ANKFN1: variants seen among roughly 807,000 people sequenced by gnomAD.
The protein encoded by ANKFN1 is ankyrin repeat and fibronectin type-III domain-containing protein 1.
A neutral mutation model predicts 108.7 loss-of-function variants in ANKFN1; 74 were observed. The ratio of observed to expected loss-of-function variants is 0.68; its 90% confidence interval spans 0.56 to 0.83. The LOEUF is 0.83. Ranked by LOEUF, ANKFN1 falls within the 40% of genes least tolerant of loss-of-function variation. The pLI is 0.00. For synonymous variants in ANKFN1, 547 were observed against 516.2 expected (o/e 1.06, Z -0.81); for missense variants, 1,505 against 1,382.3 (o/e 1.09, Z -1.41).
At chr17:56,166,707 C>G (rs956119661) in intron 1 of ANKFN1, among the ~76,000 whole-genome samples, 28 of 152,128 alleles carry the variant, frequency 1.8e-4, no homozygotes, top group Non-Finnish European at 3.2e-4. Context: ...GAGGTGAGTT[C>G]CACTCTCCCT....
At chr17:56,467,956 C>G (rs919057702) in intron 15 of ANKFN1, among the ~76,000 whole-genome samples, 1 of 152,142 alleles carries the variant, frequency 6.6e-6, no homozygotes, top group African/African-American at 2.4e-5. Flanking sequence ...GTCCTTCAGC[C>G]TTCACTTGTA....
At chr17:56,360,166 A>G (rs530198549) in intron 6 of ANKFN1, among the ~76,000 whole-genome samples, 39 of 152,292 alleles carry the variant, frequency 2.6e-4, no homozygotes, top group Non-Finnish European at 5.1e-4. Flanking sequence ...AAATAGGGGT[A>G]TAGATCTTCA....
intron 4 of ANKFN1, among the ~76,000 whole-genome samples, chr17:56,077,171 C>T (rs1007553008): frequency 2.0e-5 from 3 of 152,042 alleles, no homozygotes; most frequent in Non-Finnish European, 4.4e-5. Flanking sequence ...TGGCCTTGGT[C>T]CTGAATTGGG....
intron 1 of ANKFN1, among the ~76,000 whole-genome samples, chr17:56,210,467 A>G (rs964019748): frequency 1.3e-5 from 2 of 152,010 alleles, no homozygotes; most frequent in Non-Finnish European, 2.9e-5. Context: ...TGTGGTTTTG[A>G]TTTACATTTC....
chr17:56,212,873 C>A (rs75875452), intron 2 of ANKFN1, among the ~76,000 whole-genome samples, 194 bp downstream of exon 2: 2 of 152,136 alleles, frequency 1.3e-5, no homozygotes, highest in Non-Finnish European at 2.9e-5. Context: ...AATAACACAA[C>A]GTTGGTCTCA....
intron 4 of ANKFN1, among the ~76,000 whole-genome samples, chr17:56,345,441 G>A (rs971334511): frequency 1.3e-5 from 2 of 151,964 alleles, no homozygotes; most frequent in African/African-American, 2.4e-5. Context: ...TGATATTTCT[G>A]GTTCTAGATC....
intron 1 of ANKFN1, among the ~76,000 whole-genome samples, chr17:56,190,492 G>T (rs1357623299): frequency 1.4e-5 from 2 of 142,622 alleles, no homozygotes; most frequent in African/African-American, 5.3e-5. Context: ...TTCAGGAGCA[G>T]GTTGTTCAGT....
At chr17:56,215,942 T>C (rs993391793) in intron 2 of ANKFN1, 3 of 152,368 alleles carry the variant, frequency 2.0e-5, no homozygotes, top group African/African-American at 7.2e-5. Context: ...AGCCATGACA[T>C]GTTGAATATG....
chr17:56,085,683 C>T (rs1905303263), intron 4 of ANKFN1, among the ~76,000 whole-genome samples: 1 of 151,334 alleles, frequency 6.6e-6, no homozygotes, highest in African/African-American at 2.4e-5. Context: ...TGTGGATGCG[C>T]AAGGGACTTT....
At chr17:56,408,381 A>C (rs952955053) in intron 8 of ANKFN1, among the ~76,000 whole-genome samples, 7 of 152,158 alleles carry the variant, frequency 4.6e-5, no homozygotes, top group African/African-American at 1.7e-4. Context: ...CTTTTCTTCG[A>C]GACACTCTAG....
intron 4 of ANKFN1, among the ~76,000 whole-genome samples, chr17:56,142,892 A>G (rs1217447500): frequency 6.6e-6 from 1 of 152,118 alleles, no homozygotes; most frequent in African/African-American, 2.4e-5. Context: ...AGCCATTCAC[A>G]CAAATACTCT....
chr17:56,200,914 G>C (rs1460505047), intron 1 of ANKFN1, among the ~76,000 whole-genome samples: 3 of 152,198 alleles, frequency 2.0e-5, no homozygotes, highest in Non-Finnish European at 4.4e-5. Flanking sequence ...AAGGTCATCA[G>C]AAGATTCTGA....
rs138287543 is a variant in ANKFN1 at position 56,306,342 on chromosome 17, T to C, written c.54-19879T>C. Among the ~76,000 whole-genome samples, 6 of 152,340 alleles carry C rather than the reference T, an allele frequency of 3.9e-5. No individual in the cohort carries two copies. The East Asian group carries it at 1.2e-3, about 29-fold the overall frequency. ...TTGATTTTTTTCCACTAGCATTTTG[T>C]AGTTTTCAGCATACAAGTCCTGTAT... On this transcript the variant is annotated intron_variant, in intron 3 of 20. Transcript: ENST00000682825.
chr17:56,439,824 G>T (rs959922873), intron 8 of ANKFN1, among the ~76,000 whole-genome samples: 1 of 152,090 alleles, frequency 6.6e-6, no homozygotes, highest in East Asian at 1.9e-4. Context: ...GCGAATAGAA[G>T]GTAATGTCCT....
At chr17:56,331,882 G>A (rs147316323) in intron 4 of ANKFN1, among the ~76,000 whole-genome samples, 3 of 152,244 alleles carry the variant, frequency 2.0e-5, no homozygotes, top group African/African-American at 7.2e-5. Flanking sequence ...GTGAGTCAAG[G>A]AAGAAAGGAA....
intron 4 of ANKFN1, among the ~76,000 whole-genome samples, chr17:56,129,074 A>G (rs1907109102): frequency 6.6e-6 from 1 of 152,246 alleles, no homozygotes; most frequent in South Asian, 2.1e-4. Context: ...TAAAGAAGCA[A>G]TCAGTGTCTT....
intron 1 of ANKFN1, among the ~76,000 whole-genome samples, chr17:56,203,152 A>G (rs955439065): frequency 1.3e-5 from 2 of 152,206 alleles, no homozygotes; most frequent in African/African-American, 4.8e-5. Flanking sequence ...ATACCATGAT[A>G]TAGGTAATCT....
chr17:56,127,837 C>G (rs1460171671), intron 4 of ANKFN1, among the ~76,000 whole-genome samples: 1 of 152,234 alleles, frequency 6.6e-6, no homozygotes, highest in Non-Finnish European at 1.5e-5. Context: ...AAAGGAAGAA[C>G]TGGGGGCTAG....
intron 1 of ANKFN1, among the ~76,000 whole-genome samples, chr17:56,168,696 C>T (rs1002517706): frequency 4.6e-5 from 7 of 152,100 alleles, no homozygotes; most frequent in African/African-American, 7.2e-5. Flanking sequence ...TTTTCACAAA[C>T]GCTTTTAGAA....
Sources: allele counts gnomAD v4.1 joint callset (sites outside exome capture counted in the v4.1 genomes callset), GRCh38; gene constraint gnomAD v4.1.1; transcripts MANE v1.5; gene names NCBI Gene and HGNC (gene_info 2026-07-23, HGNC 2026-07-21).